The following DLG1 variants were observed in gnomAD, a reference collection of about 807,000 sequenced individuals.
DLG1 encodes discs large MAGUK scaffold protein 1, also known as disks large homolog 1.
A neutral mutation model predicts 123.4 loss-of-function variants in DLG1; 42 were observed. That is an observed-to-expected ratio of 0.34 (90% CI 0.27 to 0.44). DLG1 has a LOEUF of 0.44. Ranked by LOEUF, DLG1 falls within the 20% of genes least tolerant of loss-of-function variation. DLG1 has a pLI of 1.00. For synonymous variants in DLG1, 317 were observed against 356.2 expected (o/e 0.89, Z 1.24); for missense variants, 942 against 1,082.6 (o/e 0.87, Z 1.82).
At chr3:197,198,721 A>C (rs1310110022) in intron 4 of DLG1, among the ~76,000 whole-genome samples, 1 of 152,174 alleles carries the variant, frequency 6.6e-6, no homozygotes, top group African/African-American at 2.4e-5. Flanking sequence ...CAAACCCATA[A>C]TGAGATACTA....
chr3:197,141,515 A>T (rs1030165799), intron 7 of DLG1, among the ~76,000 whole-genome samples: 2 of 152,188 alleles, frequency 1.3e-5, no homozygotes, highest in Non-Finnish European at 2.9e-5. Flanking sequence ...GGCAATAAAG[A>T]TATACATGTA....
intron 13 of DLG1, among the ~76,000 whole-genome samples, chr3:197,105,694 T>A (rs2149316508): frequency 6.6e-6 from 1 of 152,316 alleles, no homozygotes; most frequent in East Asian, 1.9e-4. Context: ...TTACCAATAC[T>A]TTGCGCGCAT....
rs148619992 is a variant in DLG1, at chr3:197,209,019, T to G, written c.319-14430A>C. ...AAAAATTACTAGAAGTAATTTAGTATGTTAACTGATTTTAATTAATAATTA... is the reference window on the plus strand; with the variant it reads ...AAAAATTACTAGAAGTAATTTAGTAGGTTAACTGATTTTAATTAATAATTA... On this transcript the variant is annotated intron_variant, in intron 4 of 24. Coordinates refer to ENST00000667157, the MANE Select transcript of DLG1 (RefSeq NM_001366207.1). Among the ~76,000 whole-genome samples the G allele has an allele frequency of 3.1e-3, 445 of 145,674 alleles. 13 individuals carry two copies. Among genetic ancestry groups the G allele is most frequent in the African/African-American group, 0.01 (432 of 41,210 alleles).
intron 6 of DLG1, among the ~76,000 whole-genome samples, chr3:197,148,723 G>T (rs1164547655): frequency 6.6e-6 from 1 of 152,030 alleles, no homozygotes; most frequent in Non-Finnish European, 1.5e-5. Context: ...AAAACTCTTA[G>T]AAGAAAACTT....
At chr3:197,266,073 G>A (rs1761554805) in intron 4 of DLG1, among the ~76,000 whole-genome samples, 1 of 151,982 alleles carries the variant, frequency 6.6e-6, no homozygotes, top group South Asian at 2.1e-4. Flanking sequence ...AAAGCAGTCT[G>A]AATGGCATCA....
At position 197,149,138 on chromosome 3, in the gene DLG1, C is replaced by T. The variant is rs1577098073; in HGVS notation, c.537+605G>A. 2.0e-5 allele frequency among the ~76,000 whole-genome samples: 3 copies of T among 152,262 alleles called. No individual in the cohort carries two copies. In the South Asian group the frequency reaches 6.2e-4, roughly 32 times the overall value. ...TTTATTCACAGAGTTGTGCCATCAT[C>T]ATTACTTTCTAATTCCAGAACATCC... is the stretch of plus-strand genomic sequence containing the variant. On this transcript the variant is annotated intron_variant, in intron 6 of 24. Transcript: ENST00000667157.
chr3:197,250,363 T>C (rs1407041773), intron 4 of DLG1, among the ~76,000 whole-genome samples: 3 of 150,904 alleles, frequency 2.0e-5, no homozygotes, highest in African/African-American at 4.9e-5. Flanking sequence ...AGGTCAGGAG[T>C]TCGAGACCAG....
intron 4 of DLG1, among the ~76,000 whole-genome samples, chr3:197,215,158 T>C (rs1733448495): frequency 6.6e-6 from 1 of 152,190 alleles, no homozygotes. Flanking sequence ...TTAAAACTGG[T>C]ATTATTCTAA....
At chr3:197,201,077 T>A (rs540517167) in intron 4 of DLG1, among the ~76,000 whole-genome samples, 1 of 152,166 alleles carries the variant, frequency 6.6e-6, no homozygotes, top group Non-Finnish European at 1.5e-5. Flanking sequence ...TCATCTTTTA[T>A]CTAAAAAACT....
chr3:197,263,983 A>C (rs534052949), intron 4 of DLG1, among the ~76,000 whole-genome samples: 2 of 152,332 alleles, frequency 1.3e-5, no homozygotes, highest in South Asian at 4.1e-4. Flanking sequence ...TTTCCCAGTA[A>C]AAATAGAAGT....
At chr3:197,085,047 A>T (rs1209013748) in intron 16 of DLG1, among the ~76,000 whole-genome samples, 1 of 151,256 alleles carries the variant, frequency 6.6e-6, no homozygotes. Flanking sequence ...TCAGCCTCCC[A>T]AAAGTGCTGG....
intron 19 of DLG1, among the ~76,000 whole-genome samples, chr3:197,067,702 C>T (rs1340316339): frequency 1.3e-5 from 2 of 152,104 alleles, no homozygotes; most frequent in Non-Finnish European, 2.9e-5. Context: ...GGATTACAGG[C>T]ATGTGCCATC....
At position 197,282,687 on chromosome 3, in the gene DLG1, T is replaced by C; in HGVS notation, c.310A>G (p.Ser104Gly). Reference protein sequence around the residue: ...SETLPSSLSPSVEKYRYQDED... With the variant: ...SETLPSSLSPGVEKYRYQDED... ...CACATTTTTTATCTCACCTCTACAC[T>C]AGGGCTAAGGCTGCTTGGCAGTGTC... Residue 104 changes from serine to glycine, a missense_variant, in exon 4 of 25, where the codon AGT (serine) becomes GGT (glycine). Physicochemically the swap from Ser to Gly is moderately conservative, Grantham distance 56. Coordinates refer to ENST00000667157, the MANE Select transcript of DLG1 (RefSeq NM_001366207.1). 2 of 1,583,210 alleles carry C rather than the reference T, an allele frequency of 1.3e-6. No individual in the cohort carries two copies. The highest frequency in any genetic ancestry group is 1.7e-6 in the Non-Finnish European group (2 of 1,169,322).
chr3:197,294,131 T>C (rs1318856064), intron 3 of DLG1, among the ~76,000 whole-genome samples: 1 of 152,112 alleles, frequency 6.6e-6, no homozygotes, highest in Non-Finnish European at 1.5e-5. Context: ...CACAAGAGAA[T>C]GTATTTATTC....
At chr3:197,112,782 G>T (rs1298534758) in intron 13 of DLG1, among the ~76,000 whole-genome samples, 1 of 151,968 alleles carries the variant, frequency 6.6e-6, no homozygotes, top group African/African-American at 2.4e-5. Context: ...TTTTTTTAAA[G>T]ATGGGGTCTT....
intron 5 of DLG1, among the ~76,000 whole-genome samples, chr3:197,189,404 T>C (rs1051650529): frequency 2.6e-5 from 4 of 152,136 alleles, no homozygotes; most frequent in Admixed American, 6.5e-5. Context: ...AAGTTTACAA[T>C]AGGAAAAAAC....
chr3:197,132,542 T>C (rs1200465617), intron 10 of DLG1, among the ~76,000 whole-genome samples: 1 of 152,212 alleles, frequency 6.6e-6, no homozygotes, highest in Non-Finnish European at 1.5e-5. Flanking sequence ...CACATTACCA[T>C]GCAAAGCAAG....
intron 2 of DLG1, chr3:197,296,957 G>GGGT: frequency 1.8e-6 from 1 of 552,320 alleles, no homozygotes; most frequent in East Asian, 3.2e-5. Flanking sequence ...ATCTGTTGGG[G>GGGT]GGGGGCTAAC....
At chr3:197,184,230 T>C in intron 5 of DLG1, 8 of 516,690 alleles carry the variant, frequency 1.5e-5, no homozygotes, top group Non-Finnish European at 2.0e-5. Flanking sequence ...CTGCCTGATT[T>C]AATGCACTGC....
Sources: gnomAD v4.1 joint callset for allele counts (sites outside exome capture counted in the v4.1 genomes callset) on GRCh38, gnomAD v4.1.1 for gene constraint, MANE v1.5 for transcripts, NCBI Gene and HGNC (gene_info 2026-07-23, HGNC 2026-07-21) for gene names.